The following CC2D2A variants were observed in gnomAD, a reference collection of about 807,000 sequenced individuals.
CC2D2A encodes coiled-coil and C2 domain containing 2A, also known as coiled-coil and C2 domain-containing protein 2A.
Under a neutral mutation model 212.9 loss-of-function variants are expected in CC2D2A, and 155 were observed. The observed-to-expected ratio is 0.73, with a 90% CI of 0.64 to 0.83. The LOEUF (loss-of-function observed/expected upper bound fraction) is 0.83, where lower values mean the gene tolerates loss of function less well. Ranked by LOEUF, CC2D2A falls within the 40% of genes least tolerant of loss-of-function variation. The pLI is 0.00. For missense variants in CC2D2A, 1,856 were observed against 1,956.2 expected (o/e 0.95, Z 0.97); for synonymous variants, 667 against 686.5 (o/e 0.97, Z 0.44).
chr4:15,526,669 T>C (rs1203516441), intron 11 of CC2D2A, among the ~76,000 whole-genome samples: 2 of 152,200 alleles, frequency 1.3e-5, no homozygotes, highest in Admixed American at 1.3e-4. Flanking sequence ...ATATCCTTAC[T>C]ATAGTCAGTC....
chr4:15,595,038 C>T (rs1462665828), intron 33 of CC2D2A, among the ~76,000 whole-genome samples: 1 of 152,042 alleles, frequency 6.6e-6, no homozygotes, highest in Non-Finnish European at 1.5e-5. Context: ...TGGTCTTGAA[C>T]CCCTGGCCTC....
chr4:15,514,971 C>A (rs889330385), intron 9 of CC2D2A, 102 bp downstream of exon 9: 4 of 937,350 alleles, frequency 4.3e-6, no homozygotes, highest in South Asian at 2.1e-5. Context: ...AGAACTGATT[C>A]CAGTTTCTAA....
At chr4:15,569,486 G>A (rs929743925) in intron 27 of CC2D2A, 97 bp downstream of exon 27, 13 of 690,998 alleles carry the variant, frequency 1.9e-5, no homozygotes, top group African/African-American at 5.3e-5. Flanking sequence ...AAGGGGTCCC[G>A]ATCTAGATCC....
chr4:15,599,607 T>C lies in CC2D2A; in HGVS notation c.4575T>C (p.Ser1525=). ...HLTRWNRYCT[S]TLRHFLPLLE... ...CTCGGTGGAATAGGTATTGTACCTCTACTCTGCGTCACTTCTTGCCTCTGT... is the reference window on the plus strand; with the variant it reads ...CTCGGTGGAATAGGTATTGTACCTCCACTCTGCGTCACTTCTTGCCTCTGT... Residue 1525 remains serine (S), a synonymous_variant, in exon 36 of 37, where the codon TCT becomes TCC. Transcript: ENST00000424120. 1 of 1,613,368 alleles carries C rather than the reference T, an allele frequency of 6.2e-7. No individual in the cohort carries two copies. Among genetic ancestry groups the C allele is most frequent in the South Asian group, 1.1e-5 (1 of 91,012 alleles).
At chr4:15,488,512 G>T (rs115061983) in intron 4 of CC2D2A, among the ~76,000 whole-genome samples, 3,595 of 152,234 alleles carry the variant, frequency 0.024, 80 homozygotes, top group Non-Finnish European at 0.035. Flanking sequence ...CTTTGTCCTT[G>T]ACTTTTGAGA....
At chr4:15,547,550 G>A (rs749406483) in intron 17 of CC2D2A, among the ~76,000 whole-genome samples, 122 of 152,224 alleles carry the variant, frequency 8.0e-4, no homozygotes, top group Admixed American at 3.5e-3. Context: ...ATGAGTGAGA[G>A]GCCAGGGGTG....
intron 7 of CC2D2A, among the ~76,000 whole-genome samples, chr4:15,510,697 C>A (rs757320574): frequency 6.6e-6 from 1 of 152,130 alleles, no homozygotes; most frequent in Non-Finnish European, 1.5e-5. Context: ...TTCATACTAA[C>A]TGGAGAGATC....
chr4:15,474,552 A>G (rs546407027), intron 1 of CC2D2A, among the ~76,000 whole-genome samples: 1 of 152,312 alleles, frequency 6.6e-6, no homozygotes, highest in Admixed American at 6.5e-5. Context: ...TATAGTTAAT[A>G]ATAATTTAAT....
chr4:15,567,819 G>A, intron 26 of CC2D2A, 33 bp downstream of exon 26: 4 of 1,438,588 alleles, frequency 2.8e-6, no homozygotes, highest in South Asian at 1.3e-5. Context: ...AGAACTATAG[G>A]ACATTTTGAA....
At chr4:15,502,110 A>C (rs1715985833) in intron 4 of CC2D2A, among the ~76,000 whole-genome samples, 1 of 152,190 alleles carries the variant, frequency 6.6e-6, no homozygotes, top group East Asian at 1.9e-4. Context: ...GTAAGTATTC[A>C]TGTGCCTTGA....
At chr4:15,487,588 C>G (rs1380705153) in intron 4 of CC2D2A, among the ~76,000 whole-genome samples, 2 of 151,644 alleles carry the variant, frequency 1.3e-5, no homozygotes, top group African/African-American at 2.4e-5. Flanking sequence ...TTTTTTCAAT[C>G]TTTTTCATCC....
chr4:15,565,544 A>G (rs1719843768), intron 24 of CC2D2A, among the ~76,000 whole-genome samples: 1 of 152,122 alleles, frequency 6.6e-6, no homozygotes, highest in Non-Finnish European at 1.5e-5. Context: ...TCTTCATCTT[A>G]AAAGCCCAAA....
chr4:15,583,109 T>C (rs1362089340), intron 30 of CC2D2A, among the ~76,000 whole-genome samples: 1 of 152,146 alleles, frequency 6.6e-6, no homozygotes, highest in African/African-American at 2.4e-5. Flanking sequence ...TTTCAACAGA[T>C]GGTGAAAAAG....
Position 15,528,668 on chromosome 4 carries a change from C to G in CC2D2A, c.1408C>G (p.Pro470Ala). Residue 470 changes from proline (P) to alanine (A), a missense_variant, in exon 13 of 37, where the codon CCT becomes GCT. Physicochemically the swap from Pro to Ala is conservative, Grantham distance 27. Around this residue, in one of 5 missense-constraint regions of CC2D2A, gnomAD observed 1,512 missense variants for 1,579.3 expected, o/e 0.96. Coordinates refer to ENST00000424120, the MANE Select transcript of CC2D2A (RefSeq NM_001378615.1). The part of the protein sequence containing the change: ...AVQTGLDPEK[P>A]HQSLDTIQKT... Reference sequence around the variant, plus strand: ...TCAGACTGGCCTTGATCCAGAAAAACCTCATCAGTCTCTCGATACCATCCA... The same window carrying G: ...TCAGACTGGCCTTGATCCAGAAAAAGCTCATCAGTCTCTCGATACCATCCA... 6.2e-7 allele frequency: 1 copy of G among 1,613,754 alleles called. No homozygotes were observed.
chr4:15,540,346 T>A (rs1210722617), intron 16 of CC2D2A, among the ~76,000 whole-genome samples: 2 of 152,130 alleles, frequency 1.3e-5, no homozygotes, highest in Non-Finnish European at 2.9e-5. Flanking sequence ...TATTTATTAA[T>A]ACTCTGCATC....
intron 11 of CC2D2A, 47 bp from the exon 12 acceptor site, chr4:15,527,400 G>A: frequency 7.2e-7 from 1 of 1,384,652 alleles, no homozygotes; most frequent in Non-Finnish European, 1.0e-6. Context: ...TCATTATCTA[G>A]TAAGTGCTTT....
At chr4:15,496,200 TA>T (rs1227953608) in intron 4 of CC2D2A, among the ~76,000 whole-genome samples, 6 of 152,290 alleles carry the variant, frequency 3.9e-5, no homozygotes, top group Non-Finnish European at 7.4e-5. Flanking sequence ...GCTCTGTTGA[TA>T]GTTTCTTTTG....
Position 15,502,819 on chromosome 4 carries a change from T to C in CC2D2A, c.337-3T>C. 1 of 1,606,402 alleles carries C rather than the reference T, an allele frequency of 6.2e-7. No homozygotes were observed. Among genetic ancestry groups the C allele is most frequent in the Non-Finnish European group, 8.5e-7 (1 of 1,176,338 alleles). On this transcript the variant is annotated splice_region_variant and splice_polypyrimidine_tract_variant and intron_variant, in intron 5 of 36. Coordinates refer to ENST00000424120, the MANE Select transcript of CC2D2A (RefSeq NM_001378615.1). Reference sequence around the variant, plus strand: ...AGCAGTAAATTTCTGTTTGACTTTTTAGTCCAAAGCAGAAAGTGCATTGCT... The same window carrying C: ...AGCAGTAAATTTCTGTTTGACTTTTCAGTCCAAAGCAGAAAGTGCATTGCT...
chr4:15,544,610 T>TA, intron 17 of CC2D2A, among the ~76,000 whole-genome samples: 1 of 152,256 alleles, frequency 6.6e-6, no homozygotes, highest in Admixed American at 6.5e-5. Flanking sequence ...GGGTGAGAGC[T>TA]CAGACTACTA....
Sources: allele counts gnomAD v4.1 joint callset (sites outside exome capture counted in the v4.1 genomes callset), GRCh38; gene constraint gnomAD v4.1.1; regional missense constraint gnomAD v4.1.1; transcripts MANE v1.5; gene names NCBI Gene and HGNC (gene_info 2026-07-23, HGNC 2026-07-21).